Variants in VDR observed in about 807,000 individuals in gnomAD.
VDR encodes the protein vitamin D receptor.
A neutral mutation model predicts 39.7 loss-of-function variants in VDR; 19 were observed. The ratio of observed to expected loss-of-function variants is 0.48; its 90% CI spans 0.33 to 0.70. VDR has a LOEUF of 0.70. Ranked by LOEUF, VDR falls within the 30% of genes least tolerant of loss-of-function variation. VDR has a pLI of 0.02. For missense variants in VDR, 442 were observed against 570.5 expected (o/e 0.77, Z 2.29); for synonymous variants, 242 against 215.8 (o/e 1.12, Z -1.07).
chr12:47,862,921 C>A (rs543675599), intron 4 of VDR, among the ~76,000 whole-genome samples: 1 of 152,352 alleles, frequency 6.6e-6, no homozygotes, highest in East Asian at 1.9e-4. Context: ...CCCCGCTCCA[C>A]CAGCCCATCT....
intron 7 of VDR, among the ~76,000 whole-genome samples, chr12:47,847,651 C>T (rs55748765): frequency 0.12 from 18,911 of 152,030 alleles, 2,499 homozygotes; most frequent in African/African-American, 0.33. Context: ...TAGCATGCTA[C>T]AGCCTCAAAC....
intron 1 of VDR, among the ~76,000 whole-genome samples, chr12:47,891,608 T>A (rs1310891950): frequency 6.6e-6 from 1 of 151,952 alleles, no homozygotes; most frequent in African/African-American, 2.4e-5. Flanking sequence ...GAGAAATGAG[T>A]TGTTCTAATC....
In VDR at chr12:47,844,645, C is replaced by A. The variant is rs1945238226; in HGVS notation, c.*101G>T. On this transcript the variant is annotated 3_prime_UTR_variant, in exon 10 of 10. Transcript: ENST00000549336. ...AGGTGGCAGAGGAGGGGCTGAACCC[C>A]AGACGGGGTGAGGAGGGCTGCTGAG... 6.5e-7 allele frequency: 1 copy of A among 1,548,074 alleles called. No individual in the cohort carries two copies. Among genetic ancestry groups the A allele is most frequent in the African/African-American group, 1.4e-5 (1 of 73,782 alleles).
chr12:47,851,323 G>C (rs1209216144), intron 7 of VDR, among the ~76,000 whole-genome samples: 10 of 152,128 alleles, frequency 6.6e-5, no homozygotes, highest in Admixed American at 6.5e-4. Context: ...CAGGGAGGGA[G>C]ATTTGTGGGG....
intron 1 of VDR, among the ~76,000 whole-genome samples, chr12:47,888,185 G>A (rs1484133587): frequency 6.6e-6 from 1 of 152,142 alleles, no homozygotes; most frequent in East Asian, 1.9e-4. Flanking sequence ...GATCTCATAA[G>A]GCTTATTCAC....
At chr12:47,871,728 G>C (rs933718442) in intron 3 of VDR, among the ~76,000 whole-genome samples, 13 of 152,156 alleles carry the variant, frequency 8.5e-5, no homozygotes, top group African/African-American at 3.1e-4. Flanking sequence ...GCCTCCCAAA[G>C]TGCTGGGATT....
chr12:47,847,618 G>A (rs1197762096), intron 7 of VDR, among the ~76,000 whole-genome samples: 1 of 152,002 alleles, frequency 6.6e-6, no homozygotes, highest in Non-Finnish European at 1.5e-5. Flanking sequence ...TGTTGCTGAG[G>A]CTGGAGTGCA....
chr12:47,864,352 T>A (rs1945683783), intron 4 of VDR, among the ~76,000 whole-genome samples: 1 of 152,218 alleles, frequency 6.6e-6, no homozygotes, highest in African/African-American at 2.4e-5. Context: ...AAATATGCCA[T>A]GTTGGTCTTC....
At chr12:47,879,638 G>T (rs139379665) in intron 2 of VDR, among the ~76,000 whole-genome samples, 30 of 152,218 alleles carry the variant, frequency 2.0e-4, no homozygotes, top group African/African-American at 7.2e-4. Context: ...GAGGGTGGGG[G>T]GAATTGAGGA....
chr12:47,846,743 C>T lies in VDR; in HGVS notation c.821G>A (p.Arg274His), dbSNP rs121909796. 3 of 1,614,136 alleles carry T rather than the reference C, an allele frequency of 1.9e-6. No homozygotes were observed. The highest frequency in any genetic ancestry group is 1.1e-5 in the South Asian group (1 of 91,076). Residue 274 changes from arginine (R) to histidine (H), a missense_variant, in exon 8 of 10, where the codon CGC becomes CAC. Arg to His is a conservative substitution (Grantham distance 29, BLOSUM62 0). This residue lies in a region of VDR where 173 missense variants were observed against 252.0 expected (regional missense o/e 0.69). Transcript: ENST00000549336. ...GTCCATGGTGAAGGACTCATTGGAG[C>T]GCAACATGATGACCTCAATGGCACT... ...KSSAIEVIML[R>H]SNESFTMDDM...
rs77063079 is a variant in VDR at position 47,887,551 on chromosome 12, A to C, written c.-83-4777T>G. ...TGGGTTACACTTAATTTTGATTTAG[A>C]CTCCATCAAATTCCCAGGTTTGATC... On this transcript the variant is annotated intron_variant, in intron 1 of 9. Coordinates refer to ENST00000549336, the MANE Select transcript of VDR (RefSeq NM_000376.3). Among the ~76,000 whole-genome samples, 340 of 152,318 alleles carry C rather than the reference A, an allele frequency of 2.2e-3. 1 individual carries two copies. Among genetic ancestry groups the C allele is most frequent in the East Asian group, 4.0e-3 (21 of 5,186 alleles).
At chr12:47,848,403 T>G (rs1945320325) in intron 7 of VDR, among the ~76,000 whole-genome samples, 1 of 151,956 alleles carries the variant, frequency 6.6e-6, no homozygotes, top group South Asian at 2.1e-4. Flanking sequence ...GTTTTTCTGG[T>G]CCTGAATCCA....
intron 6 of VDR, 56 bp downstream of exon 6, chr12:47,857,073 C>G: frequency 1.2e-6 from 2 of 1,610,758 alleles, no homozygotes; most frequent in Non-Finnish European, 8.5e-7. Flanking sequence ...AGGGCAGGTG[C>G]GGTGGACTCC....
intron 7 of VDR, among the ~76,000 whole-genome samples, chr12:47,851,771 C>T (rs1945393054): frequency 6.6e-6 from 1 of 152,256 alleles, no homozygotes; most frequent in African/African-American, 2.4e-5. Context: ...GCTCCATTTT[C>T]ATTGGCATAC....
intron 6 of VDR, among the ~76,000 whole-genome samples, chr12:47,856,380 A>G (rs1291775982): frequency 6.6e-6 from 1 of 152,176 alleles, no homozygotes; most frequent in Non-Finnish European, 1.5e-5. Context: ...AAAATTTCCG[A>G]TAAGTGTAAA....
chr12:47,845,067 A>G (rs960441309), intron 9 of VDR, 62 bp from the exon 10 acceptor site: 1 of 1,598,220 alleles, frequency 6.3e-7, no homozygotes, highest in Non-Finnish European at 8.5e-7. Context: ...TCACTGCTCA[A>G]TCCCACCACC....
chr12:47,848,457 C>T (rs1320742546), intron 7 of VDR, among the ~76,000 whole-genome samples: 1 of 151,280 alleles, frequency 6.6e-6, no homozygotes, highest in Non-Finnish European at 1.5e-5. Context: ...CTCTTTAGCA[C>T]AGTTAGGGCC....
chr12:47,876,134 C>T (rs1054886074), intron 3 of VDR, among the ~76,000 whole-genome samples: 3 of 152,086 alleles, frequency 2.0e-5, no homozygotes, highest in Non-Finnish European at 2.9e-5. Flanking sequence ...CAAATGACCA[C>T]AAAGGGGCTG....
chr12:47,883,486 A>C (rs1377338218), intron 1 of VDR, among the ~76,000 whole-genome samples: 1 of 152,064 alleles, frequency 6.6e-6, no homozygotes, highest in Non-Finnish European at 1.5e-5. Context: ...AGTAGGGTTG[A>C]CTCTGCTGCC....
Sources: allele counts gnomAD v4.1 joint callset (sites outside exome capture counted in the v4.1 genomes callset), GRCh38; gene constraint gnomAD v4.1.1; regional missense constraint gnomAD v4.1.1; transcripts MANE v1.5; gene names NCBI Gene and HGNC (gene_info 2026-07-23, HGNC 2026-07-21).